The following FAM222B variants were observed in gnomAD, a reference collection of about 807,000 sequenced individuals.
The protein encoded by FAM222B is protein FAM222B.
In FAM222B, 12 loss-of-function variants were observed where a neutral mutation model predicts 38.0. That is an observed-to-expected ratio of 0.32 (90% CI 0.20 to 0.51). FAM222B has a LOEUF of 0.51. Among genes scored for constraint, FAM222B ranks in the 20% least tolerant of loss-of-function variants. FAM222B has a pLI of 0.97. For missense variants in FAM222B, 716 were observed against 754.2 expected, an observed-to-expected ratio of 0.95 and a Z score of 0.59; for synonymous variants, 329 against 317.2, an observed-to-expected ratio of 1.04 and a Z score of -0.40.
intron 1 of FAM222B, 40 bp from the exon 2 acceptor site, chr17:28,766,747 C>G (rs1457536763): frequency 1.7e-6 from 2 of 1,180,082 alleles, no homozygotes; most frequent in Admixed American, 2.0e-5. Flanking sequence ...CACAAGGCAA[C>G]TCATTCGAAG....
chr17:28,844,054 G>T (rs371936580), upstream of FAM222B, among the ~76,000 whole-genome samples: 1 of 152,128 alleles, frequency 6.6e-6, no homozygotes. Context: ...TTTCAAACTG[G>T]TAAAAGAAAA....
intron 1 of FAM222B, among the ~76,000 whole-genome samples, chr17:28,817,422 A>G (rs556988486): frequency 9.2e-5 from 14 of 151,594 alleles, no homozygotes; most frequent in African/African-American, 3.1e-4. Context: ...CAAAAAAAAA[A>G]AAATTAATAA....
chr17:28,792,334 A>G (rs2036736877), intron 1 of FAM222B, among the ~76,000 whole-genome samples: 1 of 132,250 alleles, frequency 7.6e-6, no homozygotes, highest in African/African-American at 2.6e-5. Context: ...AAAAAAAATT[A>G]GCCAGTTGTG....
intron 1 of FAM222B, among the ~76,000 whole-genome samples, chr17:28,805,049 A>G (rs1487518530): frequency 1.4e-5 from 2 of 146,262 alleles, no homozygotes; most frequent in Admixed American, 6.8e-5. Flanking sequence ...CCATCTCAGG[A>G]AAAAAAAAAA....
intron 1 of FAM222B, among the ~76,000 whole-genome samples, chr17:28,837,798 G>A (rs1220147928): frequency 1.3e-5 from 2 of 151,952 alleles, no homozygotes; most frequent in Admixed American, 6.6e-5. Flanking sequence ...GATTACAGGC[G>A]GGTGCCACCA....
At chr17:28,776,533 T>G (rs2035907739) in intron 1 of FAM222B, among the ~76,000 whole-genome samples, 1 of 145,242 alleles carries the variant, frequency 6.9e-6, no homozygotes, top group African/African-American at 2.6e-5. Flanking sequence ...CACGGCTCAC[T>G]GTAGTCTCAA....
chr17:28,810,089 C>T (rs1369917123), intron 1 of FAM222B, among the ~76,000 whole-genome samples: 2 of 152,138 alleles, frequency 1.3e-5, no homozygotes, highest in Admixed American at 6.6e-5. Flanking sequence ...CTCTGCCTCC[C>T]GGGTTCCAGC....
At chr17:28,837,408 C>A (rs922934039) in intron 1 of FAM222B, among the ~76,000 whole-genome samples, 4 of 147,082 alleles carry the variant, frequency 2.7e-5, no homozygotes, top group African/African-American at 1.0e-4. Flanking sequence ...CCAGCCTGGG[C>A]GACCGAGGGA....
chr17:28,833,394 A>C (rs2038733242), intron 1 of FAM222B, among the ~76,000 whole-genome samples: 3 of 151,814 alleles, frequency 2.0e-5, no homozygotes, highest in Admixed American at 2.0e-4. Context: ...AAGCAGGTGC[A>C]TCACCTGAGG....
intron 1 of FAM222B, among the ~76,000 whole-genome samples, chr17:28,812,841 C>A (rs1273196197): frequency 2.0e-5 from 3 of 151,358 alleles, no homozygotes; most frequent in African/African-American, 4.9e-5. Flanking sequence ...CAGACTTCAA[C>A]AGCAATTGCC....
At chr17:28,839,770 G>A (rs1280852668) in intron 1 of FAM222B, among the ~76,000 whole-genome samples, 1 of 151,954 alleles carries the variant, frequency 6.6e-6, no homozygotes, top group Non-Finnish European at 1.5e-5. Flanking sequence ...CTATTGGGAC[G>A]GTCAAGGAAC....
intron 1 of FAM222B, among the ~76,000 whole-genome samples, chr17:28,818,419 T>G (rs997938821): frequency 8.6e-5 from 13 of 151,640 alleles, no homozygotes; most frequent in Non-Finnish European, 1.9e-4. Flanking sequence ...TCCCAGCTAC[T>G]TGGGAGGCTG....
chr17:28,803,731 G>A (rs1312640842), intron 1 of FAM222B, among the ~76,000 whole-genome samples: 3 of 152,062 alleles, frequency 2.0e-5, no homozygotes, highest in Non-Finnish European at 2.9e-5. Flanking sequence ...TGTAATCCCA[G>A]CACTTTGGGA....
chr17:28,797,383 T>C (rs1567849693), intron 1 of FAM222B, among the ~76,000 whole-genome samples: 1 of 152,116 alleles, frequency 6.6e-6, no homozygotes, highest in African/African-American at 2.4e-5. Flanking sequence ...AGCAGATCTG[T>C]CTCTGAGCTC....
chr17:28,835,906 C>T (rs1341591237), intron 1 of FAM222B, among the ~76,000 whole-genome samples: 1 of 151,984 alleles, frequency 6.6e-6, no homozygotes, highest in East Asian at 1.9e-4. Context: ...AACTCCTGGG[C>T]TCAGGTGATC....
chr17:28,775,354 G>A (rs1047394146), intron 1 of FAM222B, among the ~76,000 whole-genome samples: 1 of 151,344 alleles, frequency 6.6e-6, no homozygotes, highest in East Asian at 1.9e-4. Context: ...GGGAATGGGG[G>A]ATAAAGTGAT....
chr17:28,803,299 T>C (rs1255515819), intron 1 of FAM222B, among the ~76,000 whole-genome samples: 1 of 152,070 alleles, frequency 6.6e-6, no homozygotes, highest in East Asian at 1.9e-4. Context: ...TGAGCCACCG[T>C]ACCCAGGTTC....
chr17:28,808,330 G>A (rs868301189), intron 1 of FAM222B, among the ~76,000 whole-genome samples: 13 of 152,208 alleles, frequency 8.5e-5, no homozygotes, highest in Admixed American at 1.3e-4. Context: ...TGTCCTGGAT[G>A]AAGAGAGAAC....
intron 1 of FAM222B, among the ~76,000 whole-genome samples, chr17:28,769,634 T>C (rs1012395824): frequency 6.6e-6 from 1 of 152,210 alleles, no homozygotes; most frequent in African/African-American, 2.4e-5. Flanking sequence ...CTTAAATATC[T>C]CTAATGACTT....
Sources: gnomAD v4.1 joint callset for allele counts (sites outside exome capture counted in the v4.1 genomes callset) on GRCh38, gnomAD v4.1.1 for gene constraint, MANE v1.5 for transcripts, NCBI Gene and HGNC (gene_info 2026-07-23, HGNC 2026-07-21) for gene names.